The following TMEM67 variants were observed in gnomAD, a reference collection of about 807,000 sequenced individuals.
TMEM67 encodes the protein meckelin.
Under a neutral mutation model 136.6 loss-of-function variants are expected in TMEM67, and 124 were observed. The observed-to-expected ratio is 0.91, with a 90% CI of 0.78 to 1.05. The LOEUF (loss-of-function observed/expected upper bound fraction) is 1.05, where lower values mean the gene tolerates loss of function less well. Ranked by LOEUF, TMEM67 falls within the 50% of genes least tolerant of loss-of-function variation. The pLI, the probability that TMEM67 is intolerant of heterozygous loss-of-function variation, is 0.00. For missense variants in TMEM67, 1,107 were observed against 1,178.4 expected (o/e 0.94, Z 0.89); for synonymous variants, 364 against 390.5 (o/e 0.93, Z 0.80).
intron 14 of TMEM67, 116 bp from the exon 15 acceptor site, chr8:93,791,147 T>C: frequency 1.5e-6 from 1 of 677,782 alleles, no homozygotes; most frequent in Non-Finnish European, 2.6e-6. Flanking sequence ...GTAATATTGA[T>C]AGTTAAAAAC....
chr8:93,761,391 T>A (rs1368238279), intron 3 of TMEM67, among the ~76,000 whole-genome samples: 1 of 152,258 alleles, frequency 6.6e-6, no homozygotes, highest in East Asian at 1.9e-4. Flanking sequence ...AAATTTTAAG[T>A]TGGTGCAACC....
chr8:93,785,146 CTTTTA>C (rs1376454656), intron 11 of TMEM67, 71 bp from the exon 12 acceptor site: 31 of 932,152 alleles, frequency 3.3e-5, no homozygotes, highest in East Asian at 7.2e-5. Flanking sequence ...CAATTGTGAT[CTTTTA>C]TTTTATTTTT....
chr8:93,768,722 G>T (rs1459047851), intron 6 of TMEM67, among the ~76,000 whole-genome samples: 2 of 151,978 alleles, frequency 1.3e-5, no homozygotes, highest in Admixed American at 1.3e-4. Context: ...CTTCTCCAGG[G>T]GTGAGGAATC....
chr8:93,807,693 T>G (rs552414409), intron 23 of TMEM67, among the ~76,000 whole-genome samples: 9 of 152,138 alleles, frequency 5.9e-5, no homozygotes, highest in Admixed American at 3.9e-4. Context: ...AGAAAAAAAT[T>G]TTTTAAATAG....
At chr8:93,788,941 G>A (rs73694954) in intron 14 of TMEM67, among the ~76,000 whole-genome samples, 2,783 of 152,220 alleles carry the variant, frequency 0.018, 86 homozygotes, top group African/African-American at 0.061. Flanking sequence ...TCTCCAGTCA[G>A]ATAAAGCATC....
chr8:93,785,124 CTTGCTAATTTT>C, intron 11 of TMEM67, 87 bp from the exon 12 acceptor site: 1 of 815,194 alleles, frequency 1.2e-6, no homozygotes, highest in Non-Finnish European at 2.0e-6. Flanking sequence ...AATAAATATG[CTTGCTAATTTT>C]CAATTGTGAT....
chr8:93,767,339 G>A (rs1330701852), intron 6 of TMEM67, among the ~76,000 whole-genome samples: 1 of 152,164 alleles, frequency 6.6e-6, no homozygotes, highest in Non-Finnish European at 1.5e-5. Context: ...AAGTCACCAT[G>A]ACTACCATAA....
chr8:93,809,706 C>T, intron 25 of TMEM67, 79 bp from the exon 26 acceptor site: 2 of 844,880 alleles, frequency 2.4e-6, no homozygotes, highest in Admixed American at 2.1e-5. Flanking sequence ...TTCATTTTCT[C>T]TCCTGCTGAT....
chr8:93,785,170 AG>A, intron 11 of TMEM67, 51 bp from the exon 12 acceptor site: 1 of 1,019,506 alleles, frequency 9.8e-7, no homozygotes, highest in Non-Finnish European at 1.5e-6. Context: ...TTTACTTTTT[AG>A]TACTTTAAGT....
chr8:93,785,657 G>A, intron 12 of TMEM67: 1 of 320,996 alleles, frequency 3.1e-6, no homozygotes. Context: ...TTTTCGTCAA[G>A]CTGTCCCGAA....
chr8:93,795,535 C>A (rs1284531401), intron 17 of TMEM67, 28 bp downstream of exon 17: 1 of 1,508,756 alleles, frequency 6.6e-7, no homozygotes, highest in Non-Finnish European at 9.2e-7. Flanking sequence ...TTTTCCCCAA[C>A]TGCCAATATC....
intron 2 of TMEM67, among the ~76,000 whole-genome samples, chr8:93,757,626 A>T (rs1255814276): frequency 6.7e-6 from 1 of 150,160 alleles, no homozygotes; most frequent in Non-Finnish European, 1.5e-5. Context: ...CAGAGCAAAG[A>T]CTCTGTCTCA....
At chr8:93,830,418 A>G in the TMEM67 span, among the ~76,000 whole-genome samples, 1 of 152,190 alleles carries the variant, frequency 6.6e-6, no homozygotes, top group Non-Finnish European at 1.5e-5. Flanking sequence ...GCAACCCCAA[A>G]TTGAAGCCAG....
intron 26 of TMEM67, among the ~76,000 whole-genome samples, chr8:93,811,783 G>T (rs1300015906): frequency 1.3e-5 from 2 of 151,940 alleles, no homozygotes; most frequent in African/African-American, 4.8e-5. Flanking sequence ...CTGCTAGTGA[G>T]CGCCGAGATC....
At chr8:93,814,893 A>G (rs138649049) in intron 26 of TMEM67, among the ~76,000 whole-genome samples, 24 of 152,302 alleles carry the variant, frequency 1.6e-4, no homozygotes, top group African/African-American at 5.5e-4. Flanking sequence ...TATTTGAGAT[A>G]AATTCTTGAA....
chr8:93,776,629 G>C (rs1194166575), intron 7 of TMEM67, among the ~76,000 whole-genome samples: 8 of 152,134 alleles, frequency 5.3e-5, no homozygotes, highest in Admixed American at 5.2e-4. Flanking sequence ...TTTGTCATTG[G>C]TTCTGTTTAT....
intron 12 of TMEM67, chr8:93,785,601 T>C (rs1273107740): frequency 8.0e-6 from 4 of 498,714 alleles, no homozygotes; most frequent in African/African-American, 2.0e-5. Flanking sequence ...ATACTGTTGC[T>C]GAGGGTATAT....
intron 4 of TMEM67, 111 bp downstream of exon 4, chr8:93,764,052 A>C (rs747340881): frequency 6.5e-6 from 5 of 771,722 alleles, no homozygotes; most frequent in Non-Finnish European, 1.1e-5. Flanking sequence ...CAATAACCCA[A>C]GGAAGGATAG....
At chr8:93,825,043 C>T in the TMEM67 span, among the ~76,000 whole-genome samples, 1 of 152,168 alleles carries the variant, frequency 6.6e-6, no homozygotes, top group Non-Finnish European at 1.5e-5. Flanking sequence ...ATCTGTCAAC[C>T]TGGGTAATAT....
Sources: allele counts gnomAD v4.1 joint callset (sites outside exome capture counted in the v4.1 genomes callset), GRCh38; gene constraint gnomAD v4.1.1; transcripts MANE v1.5; gene names NCBI Gene and HGNC (gene_info 2026-07-23, HGNC 2026-07-21).